The following BCHE variants were observed in gnomAD, a reference collection of about 807,000 sequenced individuals.
BCHE encodes butyrylcholinesterase.
In BCHE, 48 loss-of-function variants were observed where a neutral mutation model predicts 51.3. The observed-to-expected ratio is 0.94, with a 90% CI of 0.74 to 1.19. The LOEUF is 1.19. Ranked by LOEUF, BCHE falls within the 50% of genes most tolerant of loss-of-function variation. The pLI is 0.00. For missense variants in BCHE, 847 were observed against 708.2 expected (o/e 1.20, Z -2.23); for synonymous variants, 251 against 238.0 (o/e 1.05, Z -0.50).
At chr3:165,815,444 A>G (rs1714278028) in intron 2 of BCHE, among the ~76,000 whole-genome samples, 1 of 152,062 alleles carries the variant, frequency 6.6e-6, no homozygotes. Flanking sequence ...TCAGCTCTGT[A>G]AGCCTCAATA....
intron 2 of BCHE, among the ~76,000 whole-genome samples, chr3:165,825,914 C>T (rs1281966047): frequency 6.6e-6 from 1 of 151,986 alleles, no homozygotes; most frequent in African/African-American, 2.4e-5. Flanking sequence ...CATCTATATC[C>T]ATCAGATAGA....
intron 3 of BCHE, among the ~76,000 whole-genome samples, chr3:165,775,778 G>A (rs1464866540): frequency 1.3e-5 from 2 of 151,856 alleles, no homozygotes; most frequent in African/African-American, 4.8e-5. Context: ...GAAATAGGGG[G>A]CATTGATTGA....
chr3:165,803,890 C>T (rs1713763455), intron 2 of BCHE, among the ~76,000 whole-genome samples: 2 of 152,072 alleles, frequency 1.3e-5, no homozygotes, highest in African/African-American at 2.4e-5. Context: ...AACTGGAAGT[C>T]ATCAGTATGT....
At chr3:165,793,513 T>C (rs1713252754) in intron 2 of BCHE, among the ~76,000 whole-genome samples, 1 of 152,210 alleles carries the variant, frequency 6.6e-6, no homozygotes, top group South Asian at 2.1e-4. Context: ...TGACTCATAG[T>C]GTGCAGGCAA....
chr3:165,796,202 C>T (rs966229934), intron 2 of BCHE, among the ~76,000 whole-genome samples: 2 of 152,002 alleles, frequency 1.3e-5, no homozygotes, highest in African/African-American at 4.8e-5. Context: ...TAAATGGAGG[C>T]ATGCAAAAAT....
intron 2 of BCHE, among the ~76,000 whole-genome samples, chr3:165,816,104 C>T (rs1169834734): frequency 6.6e-6 from 1 of 151,658 alleles, no homozygotes; most frequent in Non-Finnish European, 1.5e-5. Context: ...CTATGGAATA[C>T]ATATCAAAGA....
chr3:165,773,118 A>G lies in BCHE; in HGVS notation c.*264T>C. On this transcript the variant is annotated 3_prime_UTR_variant, in exon 4 of 4. Coordinates refer to ENST00000264381, the MANE Select transcript of BCHE (RefSeq NM_000055.4). The stretch of plus-strand genomic sequence containing the variant: ...ACTTAAATTTATTAAGGAAAGAAAG[A>G]AATTGAACCAGGCCATTGTTTTAAT... 1 of 294,206 alleles carries G rather than the reference A, an allele frequency of 3.4e-6. No homozygotes were observed. Among genetic ancestry groups the G allele is most frequent in the Non-Finnish European group, 6.3e-6 (1 of 159,388 alleles). 18.2% of individuals were successfully genotyped at this position (294,206 alleles called of 1,614,324 possible).
intron 2 of BCHE, among the ~76,000 whole-genome samples, chr3:165,790,394 G>A (rs948336057): frequency 2.6e-5 from 4 of 152,134 alleles, no homozygotes; most frequent in Non-Finnish European, 5.9e-5. Context: ...TTTTGCATTT[G>A]GAACATTCTA....
chr3:165,809,121 T>A (rs1713981991), intron 2 of BCHE, among the ~76,000 whole-genome samples: 1 of 152,188 alleles, frequency 6.6e-6, no homozygotes, highest in Non-Finnish European at 1.5e-5. Context: ...ATTATTAAAT[T>A]TTTTAATGGA....
At chr3:165,807,037 T>G (rs1156728943) in intron 2 of BCHE, among the ~76,000 whole-genome samples, 3 of 152,014 alleles carry the variant, frequency 2.0e-5, no homozygotes, top group Non-Finnish European at 4.4e-5. Flanking sequence ...ATTACTTTTT[T>G]GGGGGGTTGG....
At chr3:165,796,636 C>A (rs150253141) in intron 2 of BCHE, among the ~76,000 whole-genome samples, 264 of 152,228 alleles carry the variant, frequency 1.7e-3, no homozygotes, top group African/African-American at 6.2e-3. Flanking sequence ...AAATTTCTAA[C>A]TGGGAATCAA....
intron 3 of BCHE, chr3:165,777,662 T>C: frequency 9.3e-6 from 3 of 323,178 alleles, no homozygotes; most frequent in South Asian, 2.4e-5. Context: ...AGGTAAAAAA[T>C]ATACACACAG....
chr3:165,781,631 G>A lies in BCHE; in HGVS notation c.1684+4514C>T, dbSNP rs1382536498. On this transcript the variant is annotated intron_variant, in intron 3 of 3. Coordinates refer to ENST00000264381, the MANE Select transcript of BCHE (RefSeq NM_000055.4). ...GGGAGGGAGAGCATTAGGACATATA[G>A]CTAGTGCATGCGGGGCTTAAAACCT... Among the ~76,000 whole-genome samples the A allele has an allele frequency of 3.9e-5, 6 of 152,114 alleles. 1 individual carries two copies. The East Asian group carries it at 1.2e-3, about 30-fold the overall frequency.
intron 2 of BCHE, among the ~76,000 whole-genome samples, chr3:165,798,922 T>A (rs1462212214): frequency 6.6e-6 from 1 of 152,090 alleles, no homozygotes; most frequent in Non-Finnish European, 1.5e-5. Flanking sequence ...TATAGTTGCA[T>A]ACAGAGATAC....
rs190685738 is a variant in BCHE at position 165,834,593 on chromosome 3, C to T, written c.-9+2721G>A. On this transcript the variant is annotated intron_variant, in intron 1 of 3. Coordinates refer to ENST00000264381, the MANE Select transcript of BCHE (RefSeq NM_000055.4). ...AGCATCACTTTGCCCTTTTTATAAT[C>T]TGGTATTATCTATTCTAACATGCTA... is the stretch of plus-strand genomic sequence containing the variant. Among the ~76,000 whole-genome samples, 30 of 151,884 alleles carry T rather than the reference C, an allele frequency of 2.0e-4. No individual in the cohort carries two copies. The East Asian group carries it at 5.0e-3, about 25-fold the overall frequency.
At chr3:165,807,917 A>G (rs933599620) in intron 2 of BCHE, among the ~76,000 whole-genome samples, 1 of 152,044 alleles carries the variant, frequency 6.6e-6, no homozygotes, top group Non-Finnish European at 1.5e-5. Flanking sequence ...TATGCTTAAC[A>G]TTTGTTGATT....
intron 2 of BCHE, among the ~76,000 whole-genome samples, chr3:165,795,053 T>G (rs1339468421): frequency 6.6e-6 from 1 of 152,172 alleles, no homozygotes; most frequent in African/African-American, 2.4e-5. Flanking sequence ...CTTTCGGAAC[T>G]TTGGATGTAT....
intron 2 of BCHE, among the ~76,000 whole-genome samples, chr3:165,824,704 T>C (rs1470231099): frequency 6.6e-6 from 1 of 152,022 alleles, no homozygotes; most frequent in Admixed American, 6.6e-5. Context: ...TTGCATGACG[T>C]AGAAAATCAA....
intron 2 of BCHE, among the ~76,000 whole-genome samples, chr3:165,795,193 A>C (rs1713326560): frequency 6.6e-6 from 1 of 152,218 alleles, no homozygotes; most frequent in African/African-American, 2.4e-5. Flanking sequence ...CTCACATTGA[A>C]AACTCACACT....
Sources: gnomAD v4.1 joint callset for allele counts (sites outside exome capture counted in the v4.1 genomes callset) on GRCh38, gnomAD v4.1.1 for gene constraint, MANE v1.5 for transcripts, NCBI Gene and HGNC (gene_info 2026-07-23, HGNC 2026-07-21) for gene names.